FRAS1: variants seen among roughly 807,000 people sequenced by gnomAD.
The protein encoded by FRAS1 is Fraser extracellular matrix complex subunit 1, also known as extracellular matrix organizing protein FRAS1.
In FRAS1, 290 loss-of-function variants were observed where a neutral mutation model predicts 435.2. The observed-to-expected ratio is 0.67, with a 90% CI of 0.61 to 0.73. The LOEUF (loss-of-function observed/expected upper bound fraction) is 0.73. FRAS1 is among the 30% of genes least tolerant of loss of function. The pLI is 0.00. For missense variants in FRAS1, 4,860 were observed against 5,001.5 expected (o/e 0.97, Z 0.85); for synonymous variants, 1,800 against 1,851.0 (o/e 0.97, Z 0.71).
At chr4:78,068,204 G>A (rs901746689) in intron 2 of FRAS1, among the ~76,000 whole-genome samples, 5 of 152,114 alleles carry the variant, frequency 3.3e-5, no homozygotes, top group African/African-American at 1.2e-4. Context: ...AAAATATATA[G>A]AATGTCAGAT....
chr4:78,303,303 C>A (rs1274881265), intron 14 of FRAS1, among the ~76,000 whole-genome samples: 1 of 152,116 alleles, frequency 6.6e-6, no homozygotes, highest in East Asian at 1.9e-4. Context: ...ATGCCTCCAG[C>A]TTTGTTCTTT....
chr4:78,105,317 T>G (rs1742344106), intron 2 of FRAS1, among the ~76,000 whole-genome samples: 1 of 152,198 alleles, frequency 6.6e-6, no homozygotes, highest in African/African-American at 2.4e-5. Flanking sequence ...TGAAGGAGAT[T>G]AAGAGGGATG....
chr4:78,374,096 A>C lies in FRAS1; in HGVS notation c.3011-15A>C. On this transcript the variant is annotated splice_polypyrimidine_tract_variant and intron_variant, in intron 24 of 73. Coordinates refer to ENST00000512123, the MANE Select transcript of FRAS1 (RefSeq NM_025074.7). The stretch of plus-strand genomic sequence containing the variant: ...AGCCACACAGATTCCTGATGACTTG[A>C]CTTTTGTCTTTCAGACTGTGACAGC... 1 of 1,558,234 alleles carries C rather than the reference A, an allele frequency of 6.4e-7. No individual in the cohort carries two copies. Among genetic ancestry groups the C allele is most frequent in the Non-Finnish European group, 8.8e-7 (1 of 1,142,522 alleles).
intron 1 of FRAS1, among the ~76,000 whole-genome samples, chr4:78,059,835 C>T (rs1171252383): frequency 2.1e-5 from 2 of 96,970 alleles, no homozygotes; most frequent in Non-Finnish European, 3.9e-5. Flanking sequence ...GGAATCTAGA[C>T]TGGGAGGTGG....
chr4:78,321,551 G>C (rs986559647), intron 18 of FRAS1, among the ~76,000 whole-genome samples: 1 of 152,080 alleles, frequency 6.6e-6, no homozygotes, highest in African/African-American at 2.4e-5. Flanking sequence ...CCTTTAAAAA[G>C]ATTAGAATCT....
At chr4:78,245,467 G>A (rs1179962766) in intron 4 of FRAS1, 142 bp downstream of exon 4, 2 of 623,004 alleles carry the variant, frequency 3.2e-6, no homozygotes, top group African/African-American at 1.8e-5. Context: ...CTTTCTGTGA[G>A]CATTTAGGTT....
intron 50 of FRAS1, among the ~76,000 whole-genome samples, chr4:78,469,444 G>C (rs932681843): frequency 6.6e-6 from 1 of 151,794 alleles, no homozygotes; most frequent in African/African-American, 2.4e-5. Context: ...CCCTCATATA[G>C]AGAGCTCTCC....
At chr4:78,403,523 G>A (rs565568169) in intron 30 of FRAS1, among the ~76,000 whole-genome samples, 3 of 152,226 alleles carry the variant, frequency 2.0e-5, no homozygotes, top group East Asian at 1.9e-4. Flanking sequence ...TCCCAATTAC[G>A]TAAATTTGTG....
chr4:78,241,269 T>G (rs1469439237), intron 3 of FRAS1, among the ~76,000 whole-genome samples: 2 of 152,142 alleles, frequency 1.3e-5, no homozygotes, highest in Non-Finnish European at 1.5e-5. Context: ...CTTGCCCTAT[T>G]CATACCCCTT....
rs779735394 is a variant in FRAS1 at position 78,507,533 on chromosome 4, G to A, written c.9429G>A (p.Gly3143=). 2 of 1,612,082 alleles carry A rather than the reference G, an allele frequency of 1.2e-6. No individual in the cohort carries two copies. Among genetic ancestry groups the A allele is most frequent in the East Asian group, 4.5e-5 (2 of 44,768 alleles). Residue 3143 remains glycine (G), a synonymous_variant, in exon 62 of 74, where the codon GGG becomes GGA. Coordinates refer to ENST00000512123, the MANE Select transcript of FRAS1 (RefSeq NM_025074.7). ...ATGACCCAGTGGAAGCAGTTCTTGG[G>A]GATGTGACTACTGCCACGGTGACAA... ...GPDDPVEAVL[G]DVTTATVTIL... is the part of the protein sequence containing the mutation.
rs200267733 is a variant in FRAS1, at chr4:78,249,064, C to CATAT, written c.310-3309_310-3306dup. 1.3e-3 allele frequency among the ~76,000 whole-genome samples: 21 copies of CATAT among 16,610 alleles called. 1 individual carries two copies. Among genetic ancestry groups the CATAT allele is most frequent in the African/African-American group, 1.7e-3 (16 of 9,460 alleles). The allele number at this position is 16,610 out of a possible 152,430, so 10.9% of individuals were successfully genotyped here. ...AGAACTACTGATATATATATATATG[C>CATAT]ATATATATATATATATATATATGCA... On this transcript the variant is annotated intron_variant, in intron 4 of 73. Transcript: ENST00000512123.
chr4:78,250,214 A>C (rs76445702), intron 4 of FRAS1, among the ~76,000 whole-genome samples: 33 of 152,292 alleles, frequency 2.2e-4, no homozygotes, highest in Middle Eastern at 3.4e-3. Context: ...TATCACTAGT[A>C]ATCCGAATAC....
chr4:78,445,836 G>T, intron 42 of FRAS1, 124 bp downstream of exon 42: 1 of 1,413,684 alleles, frequency 7.1e-7, no homozygotes, highest in Non-Finnish European at 9.3e-7. Context: ...ATTGAAGGTC[G>T]TTCTTAAAAT....
At chr4:78,390,519 T>A (rs1578293415) in intron 29 of FRAS1, among the ~76,000 whole-genome samples, 2 of 152,350 alleles carry the variant, frequency 1.3e-5, no homozygotes, top group South Asian at 2.1e-4. Context: ...TTTCAGTGTG[T>A]TGGTCATATA....
intron 2 of FRAS1, among the ~76,000 whole-genome samples, chr4:78,235,653 A>G (rs1209715788): frequency 6.6e-6 from 1 of 152,226 alleles, no homozygotes; most frequent in Admixed American, 6.5e-5. Context: ...AATGAGTGCA[A>G]TAAAGTGTGA....
chr4:78,448,299 G>A lies in FRAS1; in HGVS notation c.6257G>A (p.Gly2086Asp), dbSNP rs369106294. ...SDTPHLAINQGLQLSAGSVAR... is the reference protein window; with the variant it reads ...SDTPHLAINQDLQLSAGSVAR... Reference sequence around the variant, plus strand: ...ACACCTCACTTGGCTATAAACCAAGGCCTACAGCTCTCAGCAGGTACCACA... The same window carrying A: ...ACACCTCACTTGGCTATAAACCAAGACCTACAGCTCTCAGCAGGTACCACA... The change falls in exon 44 of 74, where the codon GGC becomes GAC. Residue 2086 changes from glycine (G) to aspartate (D), a missense_variant. Physicochemically the swap from Gly to Asp is moderately conservative, Grantham distance 94. Coordinates refer to ENST00000512123, the MANE Select transcript of FRAS1 (RefSeq NM_025074.7). 18 of 1,609,756 alleles carry A rather than the reference G, an allele frequency of 1.1e-5. No individual in the cohort carries two copies. The highest frequency in any genetic ancestry group is 2.7e-5 in the African/African-American group (2 of 74,812).
At chr4:78,370,022 A>C in intron 23 of FRAS1, 38 bp downstream of exon 23, 1 of 1,595,672 alleles carries the variant, frequency 6.3e-7, no homozygotes, top group Non-Finnish European at 8.6e-7. Flanking sequence ...ATTCTTTTAC[A>C]CAGTGATACC....
intron 15 of FRAS1, among the ~76,000 whole-genome samples, chr4:78,310,411 A>C (rs1347118270): frequency 6.6e-6 from 1 of 152,202 alleles, no homozygotes; most frequent in Non-Finnish European, 1.5e-5. Flanking sequence ...AAAAAGAGGA[A>C]TAGTTAATGC....
chr4:78,423,898 C>T (rs895300011), intron 34 of FRAS1, among the ~76,000 whole-genome samples: 1 of 152,144 alleles, frequency 6.6e-6, no homozygotes, highest in African/African-American at 2.4e-5. Flanking sequence ...TAAACTCGCC[C>T]GAGTTCCTAG....
Sources: gnomAD v4.1 joint callset for allele counts (sites outside exome capture counted in the v4.1 genomes callset) on GRCh38, gnomAD v4.1.1 for gene constraint, MANE v1.5 for transcripts, NCBI Gene and HGNC (gene_info 2026-07-23, HGNC 2026-07-21) for gene names.